SATL1: variants seen among roughly 807,000 people sequenced by gnomAD.
SATL1 encodes spermidine/spermine N(1)-acetyltransferase-like protein 1.
A neutral mutation model predicts 51.8 loss-of-function variants in SATL1; 47 were observed. The ratio of observed to expected loss-of-function variants is 0.91; its 90% CI spans 0.72 to 1.16. SATL1 has a LOEUF of 1.16. Ranked by LOEUF, SATL1 falls within the 50% of genes most tolerant of loss-of-function variation. The pLI is 0.00. For synonymous variants in SATL1, 176 were observed against 182.4 expected (o/e 0.97, Z 0.28); for missense variants, 520 against 526.4 (o/e 0.99, Z 0.12).
At chrX:85,134,505 A>G (rs1925901292) in intron 2 of SATL1, among the ~76,000 whole-genome samples, 1 of 111,442 alleles carries the variant, frequency 9.0e-6, no homozygotes, top group Admixed American at 9.6e-5. Flanking sequence ...CAAGAGTCTC[A>G]GTATTGTTGG....
At chrX:85,122,716 C>T (rs1351712942) in intron 2 of SATL1, among the ~76,000 whole-genome samples, 7 of 111,702 alleles carry the variant, frequency 6.3e-5, no homozygotes, top group African/African-American at 2.3e-4. Context: ...CATGGGTAAG[C>T]TGTATGTTCA....
chrX:85,169,216 T>A (rs897720344), intron 2 of SATL1, among the ~76,000 whole-genome samples: 1 of 111,549 alleles, frequency 9.0e-6, no homozygotes, highest in Non-Finnish European at 1.9e-5. Context: ...AATGGGCAAA[T>A]ATTTCATGAC....
intron 2 of SATL1, among the ~76,000 whole-genome samples, chrX:85,146,045 C>T (rs187757928): frequency 0.013 from 1,441 of 109,904 alleles, 27 homozygotes; most frequent in African/African-American, 0.038. Context: ...TACAGGCGCC[C>T]GCCACCACGC....
intron 6 of SATL1, 146 bp downstream of exon 6, chrX:85,093,982 C>T (rs751264980): frequency 2.9e-6 from 1 of 349,909 alleles, no homozygotes; most frequent in South Asian, 9.7e-5. Context: ...TTAGATCAAA[C>T]TCATTAGGAT....
intron 2 of SATL1, among the ~76,000 whole-genome samples, chrX:85,195,915 A>G (rs1362792731): frequency 9.0e-6 from 1 of 111,004 alleles, no homozygotes; most frequent in Non-Finnish European, 1.9e-5. Context: ...AACATGTGAC[A>G]ATTGAATTGG....
At chrX:85,152,591 G>C (rs1238536108) in intron 2 of SATL1, among the ~76,000 whole-genome samples, 2 of 111,477 alleles carry the variant, frequency 1.8e-5, no homozygotes, top group Non-Finnish European at 3.8e-5. Context: ...TGATAGACTG[G>C]ATTAAGAAAA....
rs375115480 is a variant in SATL1, at chrX:85,098,029, C to T, written c.1694-3033G>A. ...ACTCCTGCCAAAACACAGAGATAGG[C>T]AGAATAGATTAAGGAAAACAAACAA... On this transcript the variant is annotated intron_variant, in intron 4 of 7. Transcript: ENST00000644105. Among the ~76,000 whole-genome samples the T allele has an allele frequency of 1.5e-4, 17 of 111,033 alleles. No individual in the cohort carries two copies. The South Asian group carries it at 6.5e-3, about 42-fold the overall frequency.
At chrX:85,207,736 G>A (rs1927818326) in intron 2 of SATL1, 1 of 111,543 alleles carries the variant, frequency 9.0e-6, no homozygotes, top group African/African-American at 3.3e-5. Context: ...AAAAGGGTGT[G>A]TCAAAGGTTT....
At chrX:85,186,318 G>T (rs1460028786) in intron 2 of SATL1, among the ~76,000 whole-genome samples, 1 of 108,742 alleles carries the variant, frequency 9.2e-6, no homozygotes, top group African/African-American at 3.4e-5. Context: ...TGGGGAAGGG[G>T]TGATGCAAAC....
intron 2 of SATL1, among the ~76,000 whole-genome samples, chrX:85,116,737 G>A (rs930187923): frequency 5.4e-5 from 6 of 110,610 alleles, no homozygotes; most frequent in African/African-American, 1.3e-4. Context: ...GGGCTGGGGG[G>A]TCTCTACTGC....
chrX:85,139,463 G>T (rs1926054453), intron 2 of SATL1, among the ~76,000 whole-genome samples: 1 of 111,197 alleles, frequency 9.0e-6, no homozygotes, highest in Non-Finnish European at 1.9e-5. Context: ...GAAATATACA[G>T]CTAGTAAATG....
chrX:85,182,169 C>T (rs1266592654), intron 2 of SATL1, among the ~76,000 whole-genome samples: 1 of 110,974 alleles, frequency 9.0e-6, no homozygotes, highest in Non-Finnish European at 1.9e-5. Flanking sequence ...TACAGTGGTA[C>T]AGAACACTGG....
intron 2 of SATL1, among the ~76,000 whole-genome samples, chrX:85,137,590 C>A (rs990800322): frequency 9.0e-6 from 1 of 111,583 alleles, no homozygotes; most frequent in Admixed American, 9.5e-5. Flanking sequence ...AAGATTTTCT[C>A]TTTGTCTTTG....
chrX:85,151,823 G>T lies in SATL1; in HGVS notation c.-312-42543C>A, dbSNP rs191810410. On this transcript the variant is annotated intron_variant, in intron 2 of 7. Transcript: ENST00000644105. Reference sequence around the variant, plus strand: ...CCTTATACAAAAATCAATTCAAGATGATTAAATACTTAAATGTTAGACCTA... The same window carrying T: ...CCTTATACAAAAATCAATTCAAGATTATTAAATACTTAAATGTTAGACCTA... Among the ~76,000 whole-genome samples the T allele has an allele frequency of 3.2e-3, 355 of 111,562 alleles. 1 individual carries two copies. The highest frequency in any genetic ancestry group is 0.011 in the African/African-American group (344 of 30,637).
chrX:85,161,322 A>G (rs889772191), intron 2 of SATL1, among the ~76,000 whole-genome samples: 3 of 111,170 alleles, frequency 2.7e-5, no homozygotes, highest in African/African-American at 6.5e-5. Flanking sequence ...CTAACCTTCA[A>G]TGCAAATGGG....
chrX:85,134,215 G>A (rs1925892226), intron 2 of SATL1, among the ~76,000 whole-genome samples: 1 of 110,763 alleles, frequency 9.0e-6, no homozygotes, highest in Non-Finnish European at 1.9e-5. Context: ...GTGTGTGTTT[G>A]TGTGTGTGTA....
intron 2 of SATL1, chrX:85,219,672 C>T (rs945038818): frequency 9.0e-6 from 1 of 111,481 alleles, no homozygotes; most frequent in Non-Finnish European, 1.9e-5. Flanking sequence ...TGAATAAATT[C>T]CATAAAATAA....
At chrX:85,141,481 G>C (rs1036751565) in intron 2 of SATL1, among the ~76,000 whole-genome samples, 1 of 111,898 alleles carries the variant, frequency 8.9e-6, no homozygotes, top group Non-Finnish European at 1.9e-5. Flanking sequence ...TTGTCAGTCT[G>C]ATAGTCTTGA....
rs1418401456 is a variant in SATL1, at chrX:85,108,079, C to T, written c.890G>A (p.Ser297Asn). 17 of 1,209,917 alleles carry T rather than the reference C, an allele frequency of 1.4e-5. No individual in the cohort carries two copies. The highest frequency in any genetic ancestry group is 3.5e-5 in the South Asian group (2 of 56,846). ...ACCTGATTGCCTCATGCCAGCTTGG[C>T]TCATGCTTGGTTGTTTCATGTCCAC... ...NQVDMKQPSMSQAGMRQSGTN... is the reference protein window; with the variant it reads ...NQVDMKQPSMNQAGMRQSGTN... The change falls in exon 3 of 8, where the codon AGC becomes AAC. Residue 297 changes from serine (S) to asparagine (N), a missense_variant. Ser to Asn is a conservative substitution (Grantham distance 46, BLOSUM62 1). Around this residue, in one of 3 missense-constraint regions of SATL1, gnomAD observed 488 missense variants for 474.3 expected, o/e 1.03. Coordinates refer to ENST00000644105, the MANE Select transcript of SATL1 (RefSeq NM_001367857.2).
Sources: allele counts gnomAD v4.1 joint callset (sites outside exome capture counted in the v4.1 genomes callset), GRCh38; gene constraint gnomAD v4.1.1; regional missense constraint gnomAD v4.1.1; transcripts MANE v1.5; gene names NCBI Gene and HGNC (gene_info 2026-07-23, HGNC 2026-07-21).